The following CORIN variants were observed in gnomAD, a reference collection of about 807,000 sequenced individuals.
CORIN encodes corin, serine peptidase, also known as atrial natriuretic peptide-converting enzyme.
A neutral mutation model predicts 125.3 loss-of-function variants in CORIN; 117 were observed. The observed-to-expected ratio is 0.93, with a 90% CI of 0.80 to 1.09. The LOEUF (loss-of-function observed/expected upper bound fraction) is 1.09, where lower values mean the gene tolerates loss of function less well. Among genes scored for constraint, CORIN ranks in the 50% least tolerant of loss-of-function variants. The pLI, the probability that CORIN is intolerant of heterozygous loss-of-function variation, is 0.00. For missense variants in CORIN, 1,253 were observed against 1,306.7 expected (o/e 0.96, Z 0.63); for synonymous variants, 450 against 466.4 (o/e 0.96, Z 0.45).
rs537653125 is a variant in CORIN, at chr4:47,644,806, G to A, written c.1957+275C>T. On this transcript the variant is annotated intron_variant, in intron 14 of 21. Transcript: ENST00000273857. ...ATATTTGTATATTATTTTCTTTTAT[G>A]ATTGTAGTTTATGTTCCCTATTATT... is the stretch of plus-strand genomic sequence containing the variant. Among the ~76,000 whole-genome samples the A allele has an allele frequency of 2.0e-5, 3 of 152,016 alleles. No individual in the cohort carries two copies. In the East Asian group the frequency reaches 5.8e-4, roughly 29 times the overall value.
chr4:47,597,766 G>A (rs1002751674), intron 21 of CORIN, among the ~76,000 whole-genome samples: 11 of 152,182 alleles, frequency 7.2e-5, no homozygotes, highest in African/African-American at 2.2e-4. Flanking sequence ...TTCACTTCCA[G>A]ATCAGACATT....
At chr4:47,649,291 C>T (rs1460421716) in intron 13 of CORIN, among the ~76,000 whole-genome samples, 1 of 152,188 alleles carries the variant, frequency 6.6e-6, no homozygotes, top group Non-Finnish European at 1.5e-5. Context: ...AACACTATCT[C>T]CAGGAAAAGA....
chr4:47,650,482 G>A (rs1211892809), intron 13 of CORIN, among the ~76,000 whole-genome samples: 5 of 152,160 alleles, frequency 3.3e-5, no homozygotes, highest in South Asian at 4.1e-4. Context: ...GACCCAAATC[G>A]TGGAGGTAAA....
chr4:47,639,784 C>G (rs911006752), intron 16 of CORIN, among the ~76,000 whole-genome samples: 3 of 152,196 alleles, frequency 2.0e-5, no homozygotes, highest in African/African-American at 7.2e-5. Flanking sequence ...TCTCGAGAGA[C>G]AGTGGTCACA....
chr4:47,661,456 C>T (rs1396309489), intron 12 of CORIN: 3 of 376,148 alleles, frequency 8.0e-6, no homozygotes, highest in East Asian at 8.9e-5. Flanking sequence ...TACATATATA[C>T]ACCTATGTAC....
intron 1 of CORIN, among the ~76,000 whole-genome samples, chr4:47,825,238 G>A (rs1386884597): frequency 2.0e-5 from 3 of 152,190 alleles, no homozygotes; most frequent in African/African-American, 4.8e-5. Flanking sequence ...CCGGATCAGC[G>A]ATGGAAAGCC....
chr4:47,636,391 T>A (rs1402541320), intron 16 of CORIN, among the ~76,000 whole-genome samples: 1 of 152,226 alleles, frequency 6.6e-6, no homozygotes, highest in Non-Finnish European at 1.5e-5. Flanking sequence ...TAAACTCTGA[T>A]TTGTATCATC....
At chr4:47,821,245 C>A (rs1418214596) in intron 1 of CORIN, among the ~76,000 whole-genome samples, 3 of 150,988 alleles carry the variant, frequency 2.0e-5, no homozygotes, top group East Asian at 3.9e-4. Context: ...AAAAAAAAAA[C>A]AAAATGAACT....
At chr4:47,741,006 A>G (rs1304772526) in intron 5 of CORIN, among the ~76,000 whole-genome samples, 1 of 152,020 alleles carries the variant, frequency 6.6e-6, no homozygotes, top group Admixed American at 6.6e-5. Context: ...ATCTTAAAAG[A>G]AAACAAAGGA....
At chr4:47,811,657 G>A (rs547338704) in intron 1 of CORIN, among the ~76,000 whole-genome samples, 8 of 152,128 alleles carry the variant, frequency 5.3e-5, no homozygotes, top group Non-Finnish European at 1.0e-4. Flanking sequence ...GAGCCACCGC[G>A]CCCAGCCGAG....
At chr4:47,597,376 A>G (rs1721296209) in intron 21 of CORIN, among the ~76,000 whole-genome samples, 1 of 151,920 alleles carries the variant, frequency 6.6e-6, no homozygotes, top group African/African-American at 2.4e-5. Context: ...AAGAAGAAGA[A>G]AGAGATTAAA....
At chr4:47,639,211 A>C (rs1418598117) in intron 16 of CORIN, among the ~76,000 whole-genome samples, 1 of 152,236 alleles carries the variant, frequency 6.6e-6, no homozygotes, top group African/African-American at 2.4e-5. Context: ...TGAATGAATG[A>C]GTGATACAAC....
rs1465024498 is a variant in CORIN at position 47,763,440 on chromosome 4, G to A, written c.556C>T (p.His186Tyr). The change falls in exon 4 of 22, where the codon CAT (histidine) becomes TAT (tyrosine). Residue 186 changes from histidine to tyrosine, a missense_variant. Physicochemically the swap from His to Tyr is moderately conservative, Grantham distance 83 (BLOSUM62 2). Coordinates refer to ENST00000273857, the MANE Select transcript of CORIN (RefSeq NM_006587.4). Reference protein sequence around the residue: ...TYLHRLSCYQHIMLFGCTLAF... With the variant: ...TYLHRLSCYQYIMLFGCTLAF... ...AGGGTACAGCCAAACAGCATGATATGTTGATAGCAACTGAGGCGATGGAGA... is the reference window on the plus strand; with the variant it reads ...AGGGTACAGCCAAACAGCATGATATATTGATAGCAACTGAGGCGATGGAGA... The A allele has an allele frequency of 6.2e-7, 1 of 1,614,100 alleles. No individual in the cohort carries two copies. The highest frequency in any genetic ancestry group is 1.1e-5 in the South Asian group (1 of 91,082).
Position 47,626,426 on chromosome 4 carries a change from A to G in CORIN, c.2294T>C (p.Leu765Ser). 1 of 1,609,180 alleles carries G rather than the reference A, an allele frequency of 6.2e-7. No individual in the cohort carries two copies. Among genetic ancestry groups the G allele is most frequent in the Non-Finnish European group, 8.5e-7 (1 of 1,175,556 alleles). ...SNWESLNGTTLHELLVNGQSC... is the reference protein window; with the variant it reads ...SNWESLNGTTSHELLVNGQSC... ...TTACCCATTTACTAGAAGTTCATGTAAAGTGGTCCCATTGAGGCTCTCCCA... is the reference window on the plus strand; with the variant it reads ...TTACCCATTTACTAGAAGTTCATGTGAAGTGGTCCCATTGAGGCTCTCCCA... Residue 765 changes from leucine to serine, a missense_variant, in exon 17 of 22, where the codon TTA (leucine) becomes TCA (serine). Transcript: ENST00000273857.
At position 47,643,230 on chromosome 4, in the gene CORIN, A is replaced by G; in HGVS notation, c.1984T>C (p.Cys662Arg). Residue 662 changes from cysteine (C) to arginine (R), a missense_variant, in exon 15 of 22, where the codon TGT becomes CGT. Cys to Arg is a radical substitution (Grantham distance 180). Transcript: ENST00000273857. ...CGTGACACACACGCATGGTTTGCAC[A>G]TTCCAGCTCATCATCTTGGCAAAAT... ...CSFCQDDELE[C>R]ANHACVSRDL... 3 of 1,601,594 alleles carry G rather than the reference A, an allele frequency of 1.9e-6. No homozygotes were observed. Among genetic ancestry groups the G allele is most frequent in the Non-Finnish European group, 2.6e-6 (3 of 1,173,756 alleles).
intron 1 of CORIN, among the ~76,000 whole-genome samples, chr4:47,817,565 A>G (rs1186189876): frequency 1.3e-5 from 2 of 152,198 alleles, no homozygotes; most frequent in East Asian, 3.9e-4. Context: ...GGAGGTGAAC[A>G]GGACAAAAGG....
At chr4:47,715,189 T>C (rs1440071420) in intron 5 of CORIN, among the ~76,000 whole-genome samples, 1 of 152,020 alleles carries the variant, frequency 6.6e-6, no homozygotes, top group African/African-American at 2.4e-5. Context: ...CCTAAAGAAA[T>C]AAGTAAATAC....
At chr4:47,658,870 T>C (rs1724115058) in intron 12 of CORIN, among the ~76,000 whole-genome samples, 1 of 152,268 alleles carries the variant, frequency 6.6e-6, no homozygotes, top group South Asian at 2.1e-4. Context: ...ACTTTTATGC[T>C]CTGCTTCCCT....
At chr4:47,722,179 T>C (rs899356061) in intron 5 of CORIN, among the ~76,000 whole-genome samples, 4 of 152,228 alleles carry the variant, frequency 2.6e-5, no homozygotes, top group African/African-American at 9.6e-5. Context: ...ACTGGAGAAG[T>C]GGAACCAGGA....
Sources: gnomAD v4.1 joint callset for allele counts (sites outside exome capture counted in the v4.1 genomes callset) on GRCh38, gnomAD v4.1.1 for gene constraint, MANE v1.5 for transcripts, NCBI Gene and HGNC (gene_info 2026-07-23, HGNC 2026-07-21) for gene names.